The following MGA variants were observed in gnomAD, a reference collection of about 807,000 sequenced individuals.
MGA encodes the protein MAX gene-associated protein.
Under a neutral mutation model 261.1 loss-of-function variants are expected in MGA, and 40 were observed. The ratio of observed to expected loss-of-function variants is 0.15; its 90% CI spans 0.12 to 0.20. The LOEUF (loss-of-function observed/expected upper bound fraction) is 0.20. MGA is among the 10% of genes least tolerant of loss of function. The pLI, the probability that MGA is intolerant of heterozygous loss-of-function variation, is 1.00. For missense variants in MGA, 3,397 were observed against 3,630.5 expected (o/e 0.94, Z 1.65); for synonymous variants, 1,302 against 1,290.6 (o/e 1.01, Z -0.19).
chr15:41,695,710 G>A (rs1454441264), intron 2 of MGA, among the ~76,000 whole-genome samples: 1 of 152,158 alleles, frequency 6.6e-6, no homozygotes, highest in Non-Finnish European at 1.5e-5. Flanking sequence ...TTTTAAAGTT[G>A]GAAAATCATC....
At chr15:41,718,107 A>C (rs576050445) in intron 9 of MGA, among the ~76,000 whole-genome samples, 1 of 151,568 alleles carries the variant, frequency 6.6e-6, no homozygotes, top group Non-Finnish European at 1.5e-5. Context: ...CATATTAAGG[A>C]TAGAAATTTG....
intron 5 of MGA, among the ~76,000 whole-genome samples, chr15:41,707,060 A>T (rs12595271): frequency 0.15 from 23,153 of 152,252 alleles, 2,654 homozygotes; most frequent in East Asian, 0.68. Flanking sequence ...CCAGCAGCTT[A>T]GTCTATGGTG....
chr15:41,736,026 T>C (rs2061759405), intron 12 of MGA, among the ~76,000 whole-genome samples, 155 bp from the exon 13 acceptor site: 1 of 152,220 alleles, frequency 6.6e-6, no homozygotes, highest in Admixed American at 6.5e-5. Context: ...TTTTTCTTCC[T>C]GGAAAACTCC....
At chr15:41,657,415 G>A (rs1207640085), upstream of MGA, among the ~76,000 whole-genome samples, 2 of 143,656 alleles carry the variant, frequency 1.4e-5, no homozygotes, top group Admixed American at 7.2e-5. Context: ...GTGCGGTGGC[G>A]CGATCTCGGC....
chr15:41,628,036 C>T (rs565509040), intron 1 of MGA, among the ~76,000 whole-genome samples: 6 of 152,218 alleles, frequency 3.9e-5, no homozygotes, highest in African/African-American at 1.4e-4. Context: ...AAAGTCCATG[C>T]CCTCATGGAA....
intron 2 of MGA, among the ~76,000 whole-genome samples, chr15:41,687,041 T>A (rs1350878798): frequency 6.6e-6 from 1 of 152,084 alleles, no homozygotes; most frequent in East Asian, 1.9e-4. Context: ...GTTTTTTTTT[T>A]CATTATGTAT....
At chr15:41,760,217 C>A in intron 19 of MGA, 106 bp from the exon 20 acceptor site, 1 of 1,056,034 alleles carries the variant, frequency 9.5e-7, no homozygotes, top group Non-Finnish European at 1.5e-6. Flanking sequence ...TACAACAGTC[C>A]AGACAAAAGG....
At chr15:41,665,527 G>A (rs571091852) in intron 1 of MGA, among the ~76,000 whole-genome samples, 3 of 152,036 alleles carry the variant, frequency 2.0e-5, no homozygotes, top group Non-Finnish European at 2.9e-5. Context: ...TCAAGTAGCT[G>A]GGACTACAGC....
intron 7 of MGA, among the ~76,000 whole-genome samples, chr15:41,708,961 C>G (rs907953735): frequency 6.6e-6 from 1 of 152,180 alleles, no homozygotes. Context: ...TGCCAGTTTT[C>G]CAAAATACTT....
chr15:41,722,290 C>G (rs796301257), intron 9 of MGA, among the ~76,000 whole-genome samples: 1 of 151,974 alleles, frequency 6.6e-6, no homozygotes, highest in Non-Finnish European at 1.5e-5. Flanking sequence ...CCACCACACC[C>G]GGCTAATTTT....
Position 41,738,720 on chromosome 15 carries a change from C to T in MGA, c.4435-1333C>T, listed in dbSNP as rs151059464. On this transcript the variant is annotated intron_variant, in intron 13 of 23. Transcript: ENST00000219905. ...AACTTTGTAAACTTTGGGGAAGCTG[C>T]AGAGTAGGCTTCAGCGCAGTCCCAA... Among the ~76,000 whole-genome samples the T allele has an allele frequency of 4.2e-3, 638 of 152,300 alleles. 5 individuals are homozygous for T. The highest frequency in any genetic ancestry group is 0.015 in the African/African-American group (608 of 41,566).
intron 1 of MGA, among the ~76,000 whole-genome samples, chr15:41,645,109 A>T (rs1223060336): frequency 6.6e-6 from 1 of 152,210 alleles, no homozygotes. Flanking sequence ...TTGAAGTTCA[A>T]AGTAAATGTT....
intron 7 of MGA, among the ~76,000 whole-genome samples, chr15:41,709,501 G>A (rs537254001): frequency 1.3e-5 from 2 of 152,162 alleles, no homozygotes; most frequent in South Asian, 4.2e-4. Context: ...TTGGAGTGCA[G>A]TGGTCCAATC....
intron 5 of MGA, among the ~76,000 whole-genome samples, chr15:41,707,500 G>C (rs868633353): frequency 6.6e-6 from 1 of 152,150 alleles, no homozygotes; most frequent in Middle Eastern, 3.2e-3. Context: ...CCATAGTCGG[G>C]GTGAGGGGAG....
At chr15:41,634,689 G>A (rs2056663317) in intron 1 of MGA, among the ~76,000 whole-genome samples, 1 of 152,066 alleles carries the variant, frequency 6.6e-6, no homozygotes, top group South Asian at 2.1e-4. Flanking sequence ...TGAGATAGAG[G>A]GATGAGTATT....
At position 41,768,693 on chromosome 15, in the gene MGA, A is replaced by G. The variant is rs2063913981; in HGVS notation, c.*1413A>G. On this transcript the variant is annotated 3_prime_UTR_variant, in exon 24 of 24. Transcript: ENST00000219905. The stretch of plus-strand genomic sequence containing the variant: ...TTAAAACACTAACACAAGAGCTTCC[A>G]GTGCCTGGGCCGTGCCTAGGTGATG... The G allele has an allele frequency of 6.6e-6, 1 of 152,658 alleles. No individual in the cohort carries two copies. Among genetic ancestry groups the G allele is most frequent in the African/African-American group, 2.4e-5 (1 of 41,456 alleles). 9.5% of individuals were successfully genotyped at this position (152,658 alleles called of 1,614,324 possible).
chr15:41,727,795 G>A (rs1255884904), intron 10 of MGA, among the ~76,000 whole-genome samples: 1 of 152,100 alleles, frequency 6.6e-6, no homozygotes, highest in Non-Finnish European at 1.5e-5. Flanking sequence ...ATTTAAAAAT[G>A]CATAATAATA....
intron 2 of MGA, among the ~76,000 whole-genome samples, chr15:41,692,999 A>G (rs915663859): frequency 4.6e-5 from 7 of 152,032 alleles, no homozygotes; most frequent in Admixed American, 6.5e-5. Context: ...CGCCCAGCCA[A>G]TTTTTTAAAA....
At chr15:41,683,685 C>T (rs1391496299) in intron 2 of MGA, among the ~76,000 whole-genome samples, 2 of 150,168 alleles carry the variant, frequency 1.3e-5, no homozygotes, top group Non-Finnish European at 3.0e-5. Flanking sequence ...GTCAAGTGAT[C>T]ATCCCACATC....
Sources: gnomAD v4.1 joint callset for allele counts (sites outside exome capture counted in the v4.1 genomes callset) on GRCh38, gnomAD v4.1.1 for gene constraint, MANE v1.5 for transcripts, NCBI Gene and HGNC (gene_info 2026-07-23, HGNC 2026-07-21) for gene names.